TMEM51: variants seen among roughly 807,000 people sequenced by gnomAD.
The protein encoded by TMEM51 is transmembrane protein 51.
Under a neutral mutation model 13.6 loss-of-function variants are expected in TMEM51, and 8 were observed. The observed-to-expected ratio is 0.59, with a 90% CI of 0.35 to 1.07. The LOEUF is 1.07. TMEM51 is among the 50% of genes least tolerant of loss of function. The pLI is 0.02. For missense variants in TMEM51, 279 were observed against 330.7 expected (o/e 0.84, Z 1.21); for synonymous variants, 147 against 144.4 (o/e 1.02, Z -0.13).
intron 1 of TMEM51, among the ~76,000 whole-genome samples, chr1:15,156,110 A>G (rs931911788): frequency 1.3e-5 from 2 of 152,130 alleles, no homozygotes; most frequent in Admixed American, 1.3e-4. Context: ...GGGGTTCTAC[A>G]TGAGGCCCAA....
Position 15,167,461 on chromosome 1 carries a change from T to C in TMEM51, c.-267+13507T>C, listed in dbSNP as rs1448391886. Among the ~76,000 whole-genome samples, 3 of 152,238 alleles carry C rather than the reference T, an allele frequency of 2.0e-5. No homozygotes were observed. In the East Asian group the frequency reaches 5.8e-4, roughly 29 times the overall value. On this transcript the variant is annotated intron_variant, in intron 1 of 3. Coordinates refer to ENST00000376008, the MANE Select transcript of TMEM51 (RefSeq NM_001136218.2). ...CTGTTAAAAGGATATTTGGATTGTG[T>C]CTACTTTTTGGTGATTACGATTAAA...
chr1:15,157,591 A>G, intron 1 of TMEM51, among the ~76,000 whole-genome samples: 1 of 152,058 alleles, frequency 6.6e-6, no homozygotes, highest in Admixed American at 6.6e-5. Context: ...ACTTCACACT[A>G]CCAGGTGTTT....
intron 1 of TMEM51, among the ~76,000 whole-genome samples, chr1:15,179,326 A>C (rs1477096433): frequency 6.6e-6 from 1 of 152,178 alleles, no homozygotes; most frequent in Non-Finnish European, 1.5e-5. Flanking sequence ...TGGAGGAAAC[A>C]TCCCAGCTGT....
intron 1 of TMEM51, among the ~76,000 whole-genome samples, chr1:15,182,054 G>A (rs981617197): frequency 2.0e-5 from 3 of 151,926 alleles, no homozygotes; most frequent in African/African-American, 4.8e-5. Context: ...CCAGCTACTC[G>A]GGAGGCTGAG....
chr1:15,216,066 T>C (rs1457089268), intron 3 of TMEM51, among the ~76,000 whole-genome samples: 3 of 152,072 alleles, frequency 2.0e-5, no homozygotes, highest in Non-Finnish European at 2.9e-5. Context: ...AACTGTCTTT[T>C]GCAGCAACTT....
At chr1:15,199,120 T>G (rs889817927) in intron 1 of TMEM51, among the ~76,000 whole-genome samples, 1 of 149,450 alleles carries the variant, frequency 6.7e-6, no homozygotes, top group Non-Finnish European at 1.5e-5. Context: ...TGTGTCTTTT[T>G]TTAGTTCACG....
At chr1:15,217,472 G>A (rs1202559168) in intron 3 of TMEM51, among the ~76,000 whole-genome samples, 1 of 152,122 alleles carries the variant, frequency 6.6e-6, no homozygotes, top group African/African-American at 2.4e-5. Context: ...ACAGAACCAG[G>A]GGGATATATA....
intron 1 of TMEM51, among the ~76,000 whole-genome samples, chr1:15,160,342 T>C (rs1033664195): frequency 2.0e-5 from 3 of 152,154 alleles, no homozygotes; most frequent in Non-Finnish European, 4.4e-5. Context: ...GGTGCAATCT[T>C]GGCTCACTGC....
intron 3 of TMEM51, among the ~76,000 whole-genome samples, chr1:15,219,048 G>C (rs1644470994): frequency 6.6e-6 from 1 of 151,510 alleles, no homozygotes; most frequent in South Asian, 2.1e-4. Context: ...ACCCTCCCAG[G>C]CTAAGCCCCA....
At chr1:15,169,529 T>C (rs760450138) in intron 1 of TMEM51, among the ~76,000 whole-genome samples, 1 of 152,210 alleles carries the variant, frequency 6.6e-6, no homozygotes, top group Non-Finnish European at 1.5e-5. Flanking sequence ...TTAGCAAATA[T>C]CAACCCCCAA....
intron 1 of TMEM51, chr1:15,164,369 T>A (rs61561984): frequency 0.2 from 92,067 of 456,004 alleles, 12,153 homozygotes; most frequent in East Asian, 0.54. Context: ...CTTTGAAGAG[T>A]ACTGGTTAGT....
At chr1:15,185,256 A>G (rs1643739860) in intron 1 of TMEM51, among the ~76,000 whole-genome samples, 1 of 151,792 alleles carries the variant, frequency 6.6e-6, no homozygotes, top group South Asian at 2.1e-4. Flanking sequence ...GGGGAAGGTT[A>G]CTGCCACATT....
intron 1 of TMEM51, among the ~76,000 whole-genome samples, chr1:15,180,726 C>T (rs1323416656): frequency 6.6e-6 from 1 of 152,196 alleles, no homozygotes; most frequent in African/African-American, 2.4e-5. Context: ...TACTTCTTCC[C>T]TCACAGAGCC....
chr1:15,168,579 C>T (rs542634840), intron 1 of TMEM51: 1 of 1,304,666 alleles, frequency 7.7e-7, no homozygotes, highest in South Asian at 1.2e-5. Flanking sequence ...CTAAGAGGAA[C>T]TGTGCCTGGC....
intron 1 of TMEM51, among the ~76,000 whole-genome samples, chr1:15,170,274 C>A (rs1295418686): frequency 2.6e-5 from 4 of 152,104 alleles, no homozygotes; most frequent in Non-Finnish European, 5.9e-5. Flanking sequence ...AAGCCAACTT[C>A]CTCCTTTCCC....
intron 1 of TMEM51, among the ~76,000 whole-genome samples, chr1:15,163,834 G>A (rs1642885851): frequency 7.0e-6 from 1 of 143,644 alleles, no homozygotes; most frequent in South Asian, 2.4e-4. Context: ...TTTTGGGGGG[G>A]GGGAGGGGGG....
intron 1 of TMEM51, among the ~76,000 whole-genome samples, chr1:15,179,629 A>G (rs1643554875): frequency 6.6e-6 from 1 of 152,136 alleles, no homozygotes; most frequent in Non-Finnish European, 1.5e-5. Flanking sequence ...CAAAAAATAT[A>G]AAAATTAGCG....
Position 15,219,537 on chromosome 1 carries a change from C to G in TMEM51, c.556C>G (p.Pro186Ala). The G allele has an allele frequency of 6.8e-6, 11 of 1,614,098 alleles. No homozygotes were observed. Among genetic ancestry groups the G allele is most frequent in the Non-Finnish European group, 9.3e-6 (11 of 1,180,028 alleles). ...TGACGTGGAGGCCAGCCCTGGGAAC[C>G]CCCCTGACAGGCAGAACTCTAAGTT... ...RADVEASPGN[P>A]PDRQNSKLAK... is the part of the protein sequence containing the mutation. The change falls in exon 4 of 4, where the codon CCC (proline) becomes GCC (alanine). Residue 186 changes from proline (P) to alanine (A), a missense_variant. By Grantham distance (27) the Pro-to-Ala change is conservative (BLOSUM62 -1). Coordinates refer to ENST00000376008, the MANE Select transcript of TMEM51 (RefSeq NM_001136218.2).
chr1:15,179,033 C>G (rs1042177547), intron 1 of TMEM51, among the ~76,000 whole-genome samples: 1 of 152,148 alleles, frequency 6.6e-6, no homozygotes, highest in Non-Finnish European at 1.5e-5. Flanking sequence ...AGGGACTGCT[C>G]GTTAGGAAAA....
Sources: allele counts gnomAD v4.1 joint callset (sites outside exome capture counted in the v4.1 genomes callset), GRCh38; gene constraint gnomAD v4.1.1; transcripts MANE v1.5; gene names NCBI Gene and HGNC (gene_info 2026-07-23, HGNC 2026-07-21).